USP37: variants seen among roughly 807,000 people sequenced by gnomAD.
USP37 encodes ubiquitin carboxyl-terminal hydrolase 37.
USP37 carries 27 observed loss-of-function variants against 124.0 expected under a neutral mutation model. The ratio of observed to expected loss-of-function variants is 0.22; its 90% CI spans 0.16 to 0.30. The LOEUF is 0.30. USP37 is among the 10% of genes least tolerant of loss of function. The probability of loss-of-function intolerance (pLI) is 1.00; values close to 1 mark genes in which losing one functional copy is unlikely to be tolerated. For missense variants in USP37, 889 were observed against 1,140.4 expected (o/e 0.78, Z 3.17); for synonymous variants, 365 against 388.0 (o/e 0.94, Z 0.70).
intron 8 of USP37, among the ~76,000 whole-genome samples, chr2:218,544,430 T>TATATATATAGAGAG (rs377397246): frequency 3.1e-4 from 16 of 50,820 alleles, no homozygotes; most frequent in African/African-American, 1.6e-3. Context: ...TATATATATA[T>TATATATATAGAGAG]AGAGAGAGAG....
At chr2:218,519,815 G>A (rs887617913) in intron 10 of USP37, among the ~76,000 whole-genome samples, 1 of 151,992 alleles carries the variant, frequency 6.6e-6, no homozygotes, top group Non-Finnish European at 1.5e-5. Context: ...ACGTTGGCCA[G>A]GCTGGTCTTG....
At chr2:218,509,618 TAC>T (rs1370864014) in intron 11 of USP37, among the ~76,000 whole-genome samples, 1 of 152,070 alleles carries the variant, frequency 6.6e-6, no homozygotes, top group Admixed American at 6.6e-5. Context: ...CTATAATTAC[TAC>T]AGTTATTATA....
chr2:218,493,106 G>T (rs1406879118), intron 14 of USP37, among the ~76,000 whole-genome samples: 4 of 151,712 alleles, frequency 2.6e-5, no homozygotes, highest in Admixed American at 6.6e-5. Context: ...AACTGTAATG[G>T]TTTTTTTTAA....
Position 218,528,542 on chromosome 2 carries a change from T to C in USP37, c.863+1414A>G, listed in dbSNP as rs538532446. On this transcript the variant is annotated intron_variant, in intron 10 of 25. Transcript: ENST00000258399. ...TGTGGTGTTTGGTTTTATGTTCCTGTGTCAGTTTGCTGAGAATGATGGTTT... is the reference window on the plus strand; with the variant it reads ...TGTGGTGTTTGGTTTTATGTTCCTGCGTCAGTTTGCTGAGAATGATGGTTT... The C allele has an allele frequency of 1.4e-4, 51 of 365,626 alleles. No homozygotes were observed. The South Asian group carries it at 1.6e-3, about 12-fold the overall frequency. The allele number at this position is 365,626 out of a possible 1,614,324, so 22.6% of individuals were successfully genotyped here.
At position 218,553,632 on chromosome 2, in the gene USP37, A is replaced by G. The variant is rs1208848150; in HGVS notation, c.249T>C (p.Ser83=). ...MLTLQDNSFL[S]IDKVPSKDAE... is the part of the protein sequence containing the mutation. ...CATCCTTACTTGGTACTTTGTCAAT[A>G]GACAAGAAGCTGTTATCTTGCAGAG... Residue 83 remains serine (S), a synonymous_variant, in exon 5 of 26, where the codon TCT becomes TCC. Coordinates refer to ENST00000258399, the MANE Select transcript of USP37 (RefSeq NM_020935.3). 24 of 1,613,974 alleles carry G rather than the reference A, an allele frequency of 1.5e-5. No individual in the cohort carries two copies. The highest frequency in any genetic ancestry group is 4.0e-5 in the African/African-American group (3 of 74,928).
At chr2:218,498,187 G>A (rs1574886627) in intron 11 of USP37, 30 bp from the exon 12 acceptor site, 1 of 1,558,790 alleles carries the variant, frequency 6.4e-7, no homozygotes, top group South Asian at 1.2e-5. Flanking sequence ...TGCTTTAGAA[G>A]GCAACAGGAA....
intron 4 of USP37, 75 bp downstream of exon 4, chr2:218,558,423 T>C (rs943205630): frequency 1.4e-6 from 2 of 1,389,378 alleles, no homozygotes; most frequent in Non-Finnish European, 1.9e-6. Flanking sequence ...TACTGTGATG[T>C]TTACTATGGC....
chr2:218,475,627 C>T (rs911478138), intron 19 of USP37, among the ~76,000 whole-genome samples: 2 of 152,138 alleles, frequency 1.3e-5, no homozygotes, highest in African/African-American at 2.4e-5. Flanking sequence ...GTCCCAGCTA[C>T]TAGGGAGACA....
rs71403040 is a variant in USP37, at chr2:218,454,613, CGT to C, written c.*315_*316del. 0.011 allele frequency: 2,347 copies of C among 220,084 alleles called. No individual in the cohort carries two copies. Among genetic ancestry groups the C allele is most frequent in the Middle Eastern group, 0.021 (13 of 630 alleles). 13.6% of individuals were successfully genotyped at this position (220,084 alleles called of 1,614,324 possible). A position where few individuals can be genotyped will look rare whatever the true frequency, so the allele number is the denominator to read the frequency against. On this transcript the variant is annotated 3_prime_UTR_variant, in exon 26 of 26. Transcript: ENST00000258399. ...TAACTCTTTAAGGCTCCATTCATCC[CGT>C]GTGTGTGTGTGTGTGTCTGTGTGTG... is the stretch of plus-strand genomic sequence containing the variant.
intron 9 of USP37, among the ~76,000 whole-genome samples, chr2:218,532,687 C>A (rs980168170): frequency 6.6e-6 from 1 of 151,804 alleles, no homozygotes; most frequent in Non-Finnish European, 1.5e-5. Flanking sequence ...TCCAGTACTT[C>A]GGGAGGCTGA....
chr2:218,510,520 CCTT>C (rs1689915834), intron 10 of USP37, among the ~76,000 whole-genome samples: 1 of 152,180 alleles, frequency 6.6e-6, no homozygotes, highest in Non-Finnish European at 1.5e-5. Context: ...TACCCAATCT[CCTT>C]GAGAAATTCC....
intron 10 of USP37, among the ~76,000 whole-genome samples, chr2:218,526,597 AT>A (rs147235668): frequency 6.6e-6 from 1 of 151,930 alleles, no homozygotes; most frequent in South Asian, 2.1e-4. Context: ...CAAAATGTGG[AT>A]TTTTTAAAAA....
chr2:218,513,813 A>G (rs1414869709), intron 10 of USP37, among the ~76,000 whole-genome samples: 1 of 152,032 alleles, frequency 6.6e-6, no homozygotes, highest in African/African-American at 2.4e-5. Context: ...CTCTTTTGAA[A>G]TAGTTTTATT....
chr2:218,503,619 G>A (rs1689513236), intron 11 of USP37, among the ~76,000 whole-genome samples: 1 of 152,204 alleles, frequency 6.6e-6, no homozygotes, highest in African/African-American at 2.4e-5. Flanking sequence ...GGAGGCTGAG[G>A]CAGAAGAATT....
At chr2:218,471,451 GCTCT>G (rs924079078) in intron 20 of USP37, among the ~76,000 whole-genome samples, 10 of 152,170 alleles carry the variant, frequency 6.6e-5, no homozygotes, top group Non-Finnish European at 1.5e-4. Flanking sequence ...TTCTACTTAA[GCTCT>G]CTAAGTGATC....
chr2:218,523,902 T>G (rs74472480), intron 10 of USP37, among the ~76,000 whole-genome samples: 2,708 of 152,288 alleles, frequency 0.018, 85 homozygotes, highest in African/African-American at 0.061. Flanking sequence ...ACCCTGTTCT[T>G]GACTTTGATG....
At chr2:218,547,435 T>G (rs988502673) in intron 6 of USP37, among the ~76,000 whole-genome samples, 1 of 152,192 alleles carries the variant, frequency 6.6e-6, no homozygotes, top group African/African-American at 2.4e-5. Context: ...TGTTTGTTGT[T>G]GTTTTTAAAA....
chr2:218,463,405 G>A (rs1237389857), intron 21 of USP37, 39 bp from the exon 22 acceptor site: 19 of 1,577,652 alleles, frequency 1.2e-5, no homozygotes, highest in South Asian at 3.3e-5. Flanking sequence ...ATTTAAAGAG[G>A]TACTGATTAA....
chr2:218,529,663 T>G (rs1162809933), intron 10 of USP37, among the ~76,000 whole-genome samples: 2 of 151,940 alleles, frequency 1.3e-5, no homozygotes. Context: ...GTTCTGTTGC[T>G]CAAGCTGGAG....
Sources: gnomAD v4.1 joint callset for allele counts (sites outside exome capture counted in the v4.1 genomes callset) on GRCh38, gnomAD v4.1.1 for gene constraint, MANE v1.5 for transcripts, NCBI Gene and HGNC (gene_info 2026-07-23, HGNC 2026-07-21) for gene names.